The following TCF20 variants were observed in gnomAD, a reference collection of about 807,000 sequenced individuals.
TCF20 encodes transcription factor 20.
TCF20 carries 3 observed loss-of-function variants against 148.6 expected under a neutral mutation model. The observed-to-expected ratio is 0.02, with a 90% CI of 0.01 to 0.05. The LOEUF (loss-of-function observed/expected upper bound fraction) is 0.05. Among genes scored for constraint, TCF20 ranks in the 10% least tolerant of loss-of-function variants. The pLI, the probability that TCF20 is intolerant of heterozygous loss-of-function variation, is 1.00. For missense variants in TCF20, 2,350 were observed against 2,429.3 expected (o/e 0.97, Z 0.69); for synonymous variants, 1,049 against 909.5 (o/e 1.15, Z -2.76).
intron 2 of TCF20, among the ~76,000 whole-genome samples, chr22:42,186,376 T>C (rs1464214969): frequency 1.3e-5 from 2 of 152,190 alleles, no homozygotes; most frequent in Non-Finnish European, 2.9e-5. Flanking sequence ...ACCATAAAAG[T>C]GTTTTACAAA....
chr22:42,280,796 C>T lies in TCF20; in HGVS notation c.-37+3031G>A, dbSNP rs1395470813. The stretch of plus-strand genomic sequence containing the variant: ...TTAAGCTAACAATTATTCAGTGCCC[C>T]CTGGGAGCCAGGCTCTGGCTGACTG... On this transcript the variant is annotated intron_variant, in intron 1 of 5. Coordinates refer to the TCF20 transcript ENST00000359486. 2.6e-5 allele frequency among the ~76,000 whole-genome samples: 4 copies of T among 152,184 alleles called. No homozygotes were observed. In the East Asian group the frequency reaches 7.7e-4, roughly 29 times the overall value.
At chr22:42,173,244 A>T (rs76478788) in intron 3 of TCF20, among the ~76,000 whole-genome samples, 78 of 86,522 alleles carry the variant, frequency 9.0e-4, no homozygotes, top group African/African-American at 1.7e-3. Flanking sequence ...TACATTAATT[A>T]AAAAAAAAAA....
rs1276883559 is a variant in TCF20 at position 42,269,452 on chromosome 22, G to A, written c.-37+887C>T. 3.9e-5 allele frequency among the ~76,000 whole-genome samples: 6 copies of A among 152,126 alleles called. No homozygotes were observed. In the South Asian group the frequency reaches 8.3e-4, roughly 21 times the overall value. ...CACCCACAAGCAGAGGAAGACGGCC[G>A]CTCCTCGGCACCGCCCCCCAACTCA... is the stretch of plus-strand genomic sequence containing the variant. On this transcript the variant is annotated intron_variant, in intron 1 of 5. Transcript: ENST00000677622.
intron 5 of TCF20, among the ~76,000 whole-genome samples, chr22:42,165,931 C>T (rs11703217): frequency 3.9e-5 from 6 of 152,306 alleles, no homozygotes; most frequent in East Asian, 1.9e-4. Flanking sequence ...CAGACACACA[C>T]GCACATTCGC....
intron 1 of TCF20, among the ~76,000 whole-genome samples, chr22:42,251,184 G>A (rs142796910): frequency 6.6e-6 from 1 of 152,002 alleles, no homozygotes. Flanking sequence ...CTTTAAAAAA[G>A]GTAAATAAGT....
At chr22:42,321,342 T>C (rs1393605587) in intron 1 of TCF20, among the ~76,000 whole-genome samples, 2 of 152,166 alleles carry the variant, frequency 1.3e-5, no homozygotes, top group East Asian at 1.9e-4. Flanking sequence ...AAGAAGCCTG[T>C]CCCATGGCCA....
intron 2 of TCF20, among the ~76,000 whole-genome samples, chr22:42,195,088 C>T (rs192690432): frequency 7.0e-4 from 105 of 149,510 alleles, no homozygotes; most frequent in Non-Finnish European, 1.0e-3. Flanking sequence ...CAAAATACAA[C>T]TCCTGAATCC....
chr22:42,214,028 G>A lies in TCF20; in HGVS notation c.1278C>T (p.Pro426=), dbSNP rs765105686. The part of the protein sequence containing the change: ...PQLSPTPSMM[P]SPNSHAAGFK... ...AGCCTGCAGCATGAGAATTAGGACT[G>A]GGCATCATTGATGGGGTTGGACTGA... Residue 426 remains proline, a synonymous_variant, in exon 2 of 6, where the codon CCC becomes CCT. Coordinates refer to ENST00000677622, the MANE Select transcript of TCF20 (RefSeq NM_001378418.1). The A allele has an allele frequency of 2.5e-6, 4 of 1,614,172 alleles. No homozygotes were observed. Among genetic ancestry groups the A allele is most frequent in the African/African-American group, 2.7e-5 (2 of 75,032 alleles).
At chr22:42,200,011 C>G (rs2147160074) in intron 2 of TCF20, among the ~76,000 whole-genome samples, 1 of 151,834 alleles carries the variant, frequency 6.6e-6, no homozygotes. Flanking sequence ...CTATTTTTCT[C>G]TCCACTTTCT....
chr22:42,266,066 A>C (rs1220098621), intron 1 of TCF20, among the ~76,000 whole-genome samples: 2 of 147,808 alleles, frequency 1.4e-5, no homozygotes, highest in Non-Finnish European at 3.0e-5. Context: ...TTTCAGGTTC[A>C]TCATAGCTTT....
At chr22:42,267,131 G>A (rs1320089386) in intron 1 of TCF20, among the ~76,000 whole-genome samples, 1 of 152,086 alleles carries the variant, frequency 6.6e-6, no homozygotes, top group East Asian at 1.9e-4. Context: ...GCCAGGCGAG[G>A]TGGCGCATGC....
chr22:42,161,221 T>C lies in TCF20; in HGVS notation c.*182A>G, dbSNP rs1302247099. On this transcript the variant is annotated 3_prime_UTR_variant, in exon 6 of 6. Coordinates refer to ENST00000677622, the MANE Select transcript of TCF20 (RefSeq NM_001378418.1). ...TGTGGTGTCACTGGTTTGAGTGTGA[T>C]GTGAGAACTTAAGGAAGTGCTGGCA... The C allele has an allele frequency of 8.2e-7, 1 of 1,222,168 alleles. No individual in the cohort carries two copies. Among genetic ancestry groups the C allele is most frequent in the Non-Finnish European group, 1.2e-6 (1 of 852,478 alleles). The allele number at this position is 1,222,168 out of a possible 1,614,324, so 75.7% of individuals were successfully genotyped here.
chr22:42,176,644 G>A (rs954688110), intron 3 of TCF20, among the ~76,000 whole-genome samples: 5 of 152,168 alleles, frequency 3.3e-5, no homozygotes, highest in Admixed American at 6.5e-5. Flanking sequence ...TTCCTCAAAC[G>A]TGACCACAGG....
At chr22:42,310,358 C>T (rs888159665) in intron 1 of TCF20, among the ~76,000 whole-genome samples, 6 of 150,752 alleles carry the variant, frequency 4.0e-5, no homozygotes, top group African/African-American at 7.3e-5. Flanking sequence ...CCTGGGGCTA[C>T]GGAGCCCATG....
chr22:42,315,053 C>A (rs1245006027), intron 1 of TCF20, among the ~76,000 whole-genome samples: 1 of 152,060 alleles, frequency 6.6e-6, no homozygotes, highest in Non-Finnish European at 1.5e-5. Context: ...TGACACAAAG[C>A]CAGTTTTCAC....
chr22:42,273,521 CTG>C (rs1355392040), upstream of TCF20, among the ~76,000 whole-genome samples: 1 of 152,082 alleles, frequency 6.6e-6, no homozygotes, highest in Non-Finnish European at 1.5e-5. Context: ...CACTCAATAA[CTG>C]AGCGCCCCTT....
At chr22:42,280,142 G>A (rs899010164) in intron 1 of TCF20, among the ~76,000 whole-genome samples, 5 of 152,192 alleles carry the variant, frequency 3.3e-5, no homozygotes, top group South Asian at 2.1e-4. Context: ...AGATGATACC[G>A]CCCAAGTCAC....
intron 1 of TCF20, among the ~76,000 whole-genome samples, chr22:42,236,794 T>C (rs565150324): frequency 1.3e-3 from 201 of 152,320 alleles, no homozygotes; most frequent in African/African-American, 4.6e-3. Flanking sequence ...AATTTTCTGG[T>C]TTTCCAGCAC....
rs1601599415 is a variant in TCF20 at position 42,213,076 on chromosome 22, C to T, written c.2230G>A (p.Gly744Ser). 6.2e-7 allele frequency: 1 copy of T among 1,614,116 alleles called. No individual in the cohort carries two copies. Among genetic ancestry groups the T allele is most frequent in the South Asian group, 1.1e-5 (1 of 91,078 alleles). ...GDFTGHGERK[G>S]RNEKFPSLLQ... ...AGGCTTGGGAATTTTTCATTTCTAC[C>T]CTTTCGTTCCCCATGGCCAGTGAAA... Residue 744 changes from glycine to serine, a missense_variant, in exon 2 of 6, where the codon GGT (glycine) becomes AGT (serine). By Grantham distance (56) the Gly-to-Ser change is moderately conservative. Coordinates refer to ENST00000677622, the MANE Select transcript of TCF20 (RefSeq NM_001378418.1).
Sources: gnomAD v4.1 joint callset for allele counts (sites outside exome capture counted in the v4.1 genomes callset) on GRCh38, gnomAD v4.1.1 for gene constraint, MANE v1.5 for transcripts, NCBI Gene and HGNC (gene_info 2026-07-23, HGNC 2026-07-21) for gene names.